The following DBT variants were observed in gnomAD, a reference collection of about 807,000 sequenced individuals.
DBT encodes dihydrolipoamide branched chain transacylase E2.
In DBT, 40 loss-of-function variants were observed where a neutral mutation model predicts 51.3. That is an observed-to-expected ratio of 0.78 (90% CI 0.61 to 1.02). The LOEUF is 1.02. Ranked by LOEUF, DBT falls within the 50% of genes least tolerant of loss-of-function variation. The probability of loss-of-function intolerance (pLI) is 0.00; values close to 1 mark genes in which losing one functional copy is unlikely to be tolerated. For synonymous variants in DBT, 181 were observed against 190.4 expected, an observed-to-expected ratio of 0.95 and a Z score of 0.41; for missense variants, 510 against 580.2, an observed-to-expected ratio of 0.88 and a Z score of 1.24.
intron 10 of DBT, among the ~76,000 whole-genome samples, chr1:100,201,930 G>T (rs1354516103): frequency 1.3e-5 from 2 of 152,120 alleles, no homozygotes; most frequent in East Asian, 3.9e-4. Context: ...AGGAACAACT[G>T]GTAGCAGCCA....
Position 100,235,427 on chromosome 1 carries a change from T to C in DBT, c.251+9A>G, listed in dbSNP as rs1302216166. The C allele has an allele frequency of 1.4e-6, 2 of 1,412,370 alleles. No individual in the cohort carries two copies. The highest frequency in any genetic ancestry group is 2.0e-6 in the Non-Finnish European group (2 of 1,001,652). 87.5% of individuals were successfully genotyped at this position (1,412,370 alleles called of 1,614,324 possible). A position where few individuals can be genotyped will look rare whatever the true frequency, so the allele number is the denominator to read the frequency against. On this transcript the variant is annotated intron_variant, in intron 3 of 10. Transcript: ENST00000370132. ...AATTTACTTAAGAGCTTTTTTCAGA[T>C]TCACTTACCATTCTTTAACAGTTAC... is the stretch of plus-strand genomic sequence containing the variant.
Position 100,230,786 on chromosome 1 carries a change from T to C in DBT, c.380A>G (p.Asp127Gly). ...VIKKLYYNLD[D>G]IAYVGKPLVD... Reference sequence around the variant, plus strand: ...TAATGGCTTCCCCACATAGGCAATATCGTCTAGATTATAATAGAGTTTTTT... The same window carrying C: ...TAATGGCTTCCCCACATAGGCAATACCGTCTAGATTATAATAGAGTTTTTT... The change falls in exon 4 of 11, where the codon GAT becomes GGT. Residue 127 changes from aspartate (D) to glycine (G), a missense_variant. Physicochemically the swap from Asp to Gly is moderately conservative, Grantham distance 94. Transcript: ENST00000370132. 1 of 1,611,546 alleles carries C rather than the reference T, an allele frequency of 6.2e-7. No homozygotes were observed. Among genetic ancestry groups the C allele is most frequent in the Non-Finnish European group, 8.5e-7 (1 of 1,178,062 alleles).
At chr1:100,199,294 G>A (rs755829245) in intron 10 of DBT, among the ~76,000 whole-genome samples, 5 of 152,072 alleles carry the variant, frequency 3.3e-5, no homozygotes, top group Non-Finnish European at 4.4e-5. Flanking sequence ...AGAAATCTGC[G>A]CTTTTAACTA....
At position 100,194,975 on chromosome 1, in the gene DBT, T is replaced by A. The variant is rs528151186; in HGVS notation, c.*1280A>T. 3.5e-4 allele frequency: 53 copies of A among 152,366 alleles called. No individual in the cohort carries two copies. Among genetic ancestry groups the A allele is most frequent in the African/African-American group, 1.1e-3 (46 of 41,590 alleles). 9.4% of individuals were successfully genotyped at this position (152,366 alleles called of 1,614,324 possible). Reference sequence around the variant, plus strand: ...TTGGATACATTCATCTCGTTGCTATTTCTGATTAAAGTAGACCTTTAACAA... The same window carrying A: ...TTGGATACATTCATCTCGTTGCTATATCTGATTAAAGTAGACCTTTAACAA... On this transcript the variant is annotated 3_prime_UTR_variant, in exon 11 of 11. Coordinates refer to ENST00000370132, the MANE Select transcript of DBT (RefSeq NM_001918.5).
At chr1:100,227,522 A>C (rs1216242555) in intron 4 of DBT, among the ~76,000 whole-genome samples, 1 of 152,248 alleles carries the variant, frequency 6.6e-6, no homozygotes, top group Non-Finnish European at 1.5e-5. Context: ...ATCATTCCAC[A>C]ACCACTAAAG....
chr1:100,191,586 G>A lies in DBT; in HGVS notation c.*4669C>T, dbSNP rs1473989494. On this transcript the variant is annotated 3_prime_UTR_variant, in exon 11 of 11. Transcript: ENST00000370132. Reference sequence around the variant, plus strand: ...AAAATTCTCCCAGATTCCCATTCTCGATCCATGTAGTTGAATGAGGATGGC... The same window carrying A: ...AAAATTCTCCCAGATTCCCATTCTCAATCCATGTAGTTGAATGAGGATGGC... 6.6e-6 allele frequency: 1 copy of A among 152,110 alleles called. No individual in the cohort carries two copies. The highest frequency in any genetic ancestry group is 1.9e-4 in the East Asian group (1 of 5,200). The allele number at this position is 152,110 out of a possible 1,614,324, so 9.4% of individuals were successfully genotyped here. A position where few individuals can be genotyped will look rare whatever the true frequency, so the allele number is the denominator to read the frequency against.
intron 4 of DBT, among the ~76,000 whole-genome samples, chr1:100,228,825 T>C (rs922865149): frequency 6.6e-6 from 1 of 152,116 alleles, no homozygotes; most frequent in African/African-American, 2.4e-5. Flanking sequence ...AGCAAACAGA[T>C]TGGACTACAG....
intron 7 of DBT, chr1:100,213,182 T>A: frequency 2.1e-6 from 1 of 486,804 alleles, no homozygotes; most frequent in South Asian, 4.8e-5. Context: ...AGGGTTACTC[T>A]GAGAATTAAG....
intron 10 of DBT, among the ~76,000 whole-genome samples, chr1:100,205,171 C>T (rs1661688110): frequency 6.6e-6 from 1 of 152,110 alleles, no homozygotes; most frequent in African/African-American, 2.4e-5. Flanking sequence ...AACAGGCAAC[C>T]TACAGAATGG....
At chr1:100,234,296 T>C (rs1663723756) in intron 3 of DBT, among the ~76,000 whole-genome samples, 1 of 152,066 alleles carries the variant, frequency 6.6e-6, no homozygotes. Context: ...ACTAAGCATA[T>C]GGGTCTAGAG....
intron 5 of DBT, 79 bp downstream of exon 5, chr1:100,218,547 G>C (rs931388064): frequency 6.7e-7 from 1 of 1,486,598 alleles, no homozygotes; most frequent in Non-Finnish European, 9.4e-7. Flanking sequence ...ATTTCATCAT[G>C]GGATAGTTGG....
intron 4 of DBT, among the ~76,000 whole-genome samples, chr1:100,228,609 T>C (rs1663352035): frequency 6.6e-6 from 1 of 151,718 alleles, no homozygotes; most frequent in Non-Finnish European, 1.5e-5. Context: ...AAAATACAAA[T>C]ATTAGCCAGG....
chr1:100,199,441 T>C (rs189944946), intron 10 of DBT, among the ~76,000 whole-genome samples: 21 of 152,324 alleles, frequency 1.4e-4, no homozygotes, highest in African/African-American at 4.8e-4. Context: ...TTGGCTATAT[T>C]TGTGATTATT....
intron 10 of DBT, among the ~76,000 whole-genome samples, chr1:100,199,827 C>T (rs1051738496): frequency 6.6e-6 from 1 of 152,142 alleles, no homozygotes; most frequent in Non-Finnish European, 1.5e-5. Flanking sequence ...CAAGGGAAGC[C>T]ATGAGGGACC....
chr1:100,196,358 G>A lies in DBT; in HGVS notation c.1346C>T (p.Ser449Leu). The change falls in exon 11 of 11, where the codon TCA (serine) becomes TTA (leucine). Residue 449 changes from serine to leucine, a missense_variant. Ser to Leu is a moderately radical substitution (Grantham distance 145). Transcript: ENST00000370132. The part of the protein sequence containing the change: ...YKAQIMNVSW[S>L]ADHRVIDGAT... Reference sequence around the variant, plus strand: ...ACCATCAATAACTCTGTGATCAGCTGACCAGCTCACATTCATTATCTGTGC... The same window carrying A: ...ACCATCAATAACTCTGTGATCAGCTAACCAGCTCACATTCATTATCTGTGC... 1 of 1,587,348 alleles carries A rather than the reference G, an allele frequency of 6.3e-7. No homozygotes were observed. Among genetic ancestry groups the A allele is most frequent in the Non-Finnish European group, 8.5e-7 (1 of 1,170,740 alleles).
In DBT at chr1:100,196,281, C is replaced by A. The variant is rs368315949; in HGVS notation, c.1423G>T (p.Ala475Ser). The A allele has an allele frequency of 6.2e-7, 1 of 1,613,572 alleles. No individual in the cohort carries two copies. The highest frequency in any genetic ancestry group is 8.5e-7 in the Non-Finnish European group (1 of 1,179,938). ...CATTTCAGATCTAGTAGCATAAAAG[C>A]TGGGTTTTCTAAATAGGATTTCCAC... ...NLWKSYLENPAFMLLDLK is the reference protein window; with the variant it reads ...NLWKSYLENPSFMLLDLK The change falls in exon 11 of 11, where the codon GCT becomes TCT. Residue 475 changes from alanine to serine, a missense_variant. Transcript: ENST00000370132.
chr1:100,199,865 C>G (rs1661339908), intron 10 of DBT, among the ~76,000 whole-genome samples: 1 of 152,136 alleles, frequency 6.6e-6, no homozygotes, highest in Non-Finnish European at 1.5e-5. Context: ...GCTATCCAGC[C>G]CAGATACTAT....
At chr1:100,237,220 C>T (rs954160032) in intron 2 of DBT, among the ~76,000 whole-genome samples, 1 of 152,174 alleles carries the variant, frequency 6.6e-6, no homozygotes, top group Non-Finnish European at 1.5e-5. Context: ...GAGGATGAGA[C>T]ATCAGGAAAA....
intron 10 of DBT, 69 bp from the exon 11 acceptor site, chr1:100,196,491 C>T (rs2100761856): frequency 6.5e-7 from 1 of 1,535,140 alleles, no homozygotes; most frequent in East Asian, 2.4e-5. Context: ...TTGTTCAGAG[C>T]TCAAGCTCTA....
Sources: gnomAD v4.1 joint callset for allele counts (sites outside exome capture counted in the v4.1 genomes callset) on GRCh38, gnomAD v4.1.1 for gene constraint, MANE v1.5 for transcripts, NCBI Gene and HGNC (gene_info 2026-07-23, HGNC 2026-07-21) for gene names.